Variants in RAB11FIP4 observed in about 807,000 individuals in gnomAD.
RAB11FIP4 encodes the protein rab11 family-interacting protein 4.
Under a neutral mutation model 74.3 loss-of-function variants are expected in RAB11FIP4, and 23 were observed. The observed-to-expected ratio is 0.31, with a 90% CI of 0.22 to 0.44. The LOEUF (loss-of-function observed/expected upper bound fraction) is 0.44, where lower values mean the gene tolerates loss of function less well. Among genes scored for constraint, RAB11FIP4 ranks in the 20% least tolerant of loss-of-function variants. The probability of loss-of-function intolerance (pLI) is 1.00; values close to 1 mark genes in which losing one functional copy is unlikely to be tolerated. For synonymous variants in RAB11FIP4, 360 were observed against 359.9 expected, an observed-to-expected ratio of 1.00 and a Z score of 0.00; for missense variants, 630 against 863.9, an observed-to-expected ratio of 0.73 and a Z score of 3.39.
chr17:31,450,591 C>T (rs2071517197), intron 3 of RAB11FIP4, among the ~76,000 whole-genome samples: 1 of 151,856 alleles, frequency 6.6e-6, no homozygotes, highest in Non-Finnish European at 1.5e-5. Flanking sequence ...GTGATCTGTC[C>T]ACCTCAGCCT....
chr17:31,447,494 A>T (rs1376515696), intron 3 of RAB11FIP4, among the ~76,000 whole-genome samples: 1 of 152,188 alleles, frequency 6.6e-6, no homozygotes, highest in African/African-American at 2.4e-5. Flanking sequence ...ATAATGAGAA[A>T]GACTTTTATC....
chr17:31,488,194 C>A, intron 3 of RAB11FIP4: 1 of 1,095,476 alleles, frequency 9.1e-7, no homozygotes, highest in Non-Finnish European at 1.1e-6. Context: ...CGCGCGCCGC[C>A]GACCCGCGCC....
At chr17:31,412,611 G>A (rs1052882742) in intron 1 of RAB11FIP4, among the ~76,000 whole-genome samples, 2 of 152,220 alleles carry the variant, frequency 1.3e-5, no homozygotes, top group Admixed American at 6.5e-5. Context: ...CAGGGACCAC[G>A]GATAGGAAGG....
At position 31,436,917 on chromosome 17, in the gene RAB11FIP4, A is replaced by G. The variant is rs1240307533; in HGVS notation, c.336+2795A>G. Among the ~76,000 whole-genome samples, 5 of 151,744 alleles carry G rather than the reference A, an allele frequency of 3.3e-5. No homozygotes were observed. In the East Asian group the frequency reaches 9.7e-4, roughly 29 times the overall value. ...ATTCTCCTGCCTCAGCCTCCTGAGT[A>G]GCTGGGACTACAGGTGCCCGCCACC... On this transcript the variant is annotated intron_variant, in intron 3 of 14. Transcript: ENST00000621161.
At chr17:31,418,288 T>C (rs1233309989) in intron 1 of RAB11FIP4, among the ~76,000 whole-genome samples, 2 of 152,058 alleles carry the variant, frequency 1.3e-5, no homozygotes, top group East Asian at 3.9e-4. Flanking sequence ...CTCAGGAGGC[T>C]GAGGCAGCAA....
chr17:31,531,271 T>G, intron 14 of RAB11FIP4: 1 of 211,972 alleles, frequency 4.7e-6, no homozygotes, highest in Non-Finnish European at 9.5e-6. Context: ...CCCTTTGGAG[T>G]CTTAGCGGCC....
rs2151609975 is a variant in RAB11FIP4 at position 31,391,692 on chromosome 17, G to A, written c.-161G>A. On this transcript the variant is annotated 5_prime_UTR_variant, in exon 1 of 15. Coordinates refer to ENST00000621161, the MANE Select transcript of RAB11FIP4 (RefSeq NM_032932.6). ...TCCCCTCCGGAGCGGCTGGGGCTGC[G>A]GCGCCGCTGCTGACACGGATCGGCC... The A allele has an allele frequency of 2.9e-6, 1 of 343,404 alleles. No homozygotes were observed. The allele number at this position is 343,404 out of a possible 1,614,324, so 21.3% of individuals were successfully genotyped here.
chr17:31,442,949 G>C (rs2071419540), intron 3 of RAB11FIP4, among the ~76,000 whole-genome samples: 1 of 137,908 alleles, frequency 7.3e-6, no homozygotes, highest in Admixed American at 7.7e-5. Flanking sequence ...AACAGAGTGA[G>C]ACTCTGTCTC....
In RAB11FIP4 at chr17:31,507,574, C is replaced by T. The variant is rs186537747; in HGVS notation, c.337-10077C>T. ...TTTTTGCTATTGAGTTGTTTGAGTTCCTTATGTATTCTGGCTATCAGTCAT... is the reference window on the plus strand; with the variant it reads ...TTTTTGCTATTGAGTTGTTTGAGTTTCTTATGTATTCTGGCTATCAGTCAT... On this transcript the variant is annotated intron_variant, in intron 3 of 14. Coordinates refer to ENST00000621161, the MANE Select transcript of RAB11FIP4 (RefSeq NM_032932.6). 2.0e-3 allele frequency among the ~76,000 whole-genome samples: 299 copies of T among 152,104 alleles called. 1 individual carries two copies. The highest frequency in any genetic ancestry group is 3.4e-3 in the Middle Eastern group (1 of 294).
chr17:31,419,973 A>G (rs1225584157), intron 1 of RAB11FIP4, among the ~76,000 whole-genome samples: 1 of 152,130 alleles, frequency 6.6e-6, no homozygotes, highest in Non-Finnish European at 1.5e-5. Context: ...GAATTTATGT[A>G]TATTTTCCTT....
At chr17:31,413,277 C>G (rs937148535) in intron 1 of RAB11FIP4, among the ~76,000 whole-genome samples, 1 of 152,162 alleles carries the variant, frequency 6.6e-6, no homozygotes, top group Non-Finnish European at 1.5e-5. Context: ...CAGCACCCCC[C>G]TTTGATGAGC....
chr17:31,447,078 A>C (rs368979570), intron 3 of RAB11FIP4, among the ~76,000 whole-genome samples: 6 of 152,228 alleles, frequency 3.9e-5, no homozygotes, highest in East Asian at 1.9e-4. Flanking sequence ...AGGTCAGGAG[A>C]TCGAGACCAT....
intron 3 of RAB11FIP4, among the ~76,000 whole-genome samples, chr17:31,450,321 T>TTTA (rs67188813): frequency 0.12 from 15,988 of 137,578 alleles, 1,025 homozygotes; most frequent in African/African-American, 0.14. Context: ...CGCCACCGGC[T>TTTA]TTATTATTAT....
In RAB11FIP4 at chr17:31,434,017, T is replaced by G; in HGVS notation, c.248-17T>G. 1 of 1,571,484 alleles carries G rather than the reference T, an allele frequency of 6.4e-7. No individual in the cohort carries two copies. Among genetic ancestry groups the G allele is most frequent in the South Asian group, 1.2e-5 (1 of 86,206 alleles). On this transcript the variant is annotated splice_polypyrimidine_tract_variant and intron_variant, in intron 2 of 14. Coordinates refer to ENST00000621161, the MANE Select transcript of RAB11FIP4 (RefSeq NM_032932.6). The stretch of plus-strand genomic sequence containing the variant: ...GCTCAACCCCTCACTGTCCCGTGTG[T>G]CTGCCTGTCTGCGCAGGGTGCGAGG...
At chr17:31,505,593 A>G (rs1448532720) in intron 3 of RAB11FIP4, among the ~76,000 whole-genome samples, 30 of 67,012 alleles carry the variant, frequency 4.5e-4, no homozygotes, top group East Asian at 1.3e-3. Flanking sequence ...TAATAATTAT[A>G]TATTATATAA....
chr17:31,399,325 C>A (rs998267033), intron 1 of RAB11FIP4, among the ~76,000 whole-genome samples: 1 of 152,182 alleles, frequency 6.6e-6, no homozygotes, highest in African/African-American at 2.4e-5. Flanking sequence ...CTCCTAGCCC[C>A]AAGTTATTGG....
chr17:31,444,215 G>A (rs938769848), intron 3 of RAB11FIP4, among the ~76,000 whole-genome samples: 8 of 152,176 alleles, frequency 5.3e-5, no homozygotes, highest in African/African-American at 1.4e-4. Context: ...ACAGCACTGT[G>A]ATTCACTGTG....
At chr17:31,488,226 CG>C in intron 3 of RAB11FIP4, 3 of 1,140,964 alleles carry the variant, frequency 2.6e-6, no homozygotes, top group Non-Finnish European at 3.2e-6. Context: ...GCGCCTCTGC[CG>C]GGGAGCGGCC....
chr17:31,439,403 C>T (rs953232273), intron 3 of RAB11FIP4, among the ~76,000 whole-genome samples: 2 of 152,336 alleles, frequency 1.3e-5, no homozygotes, highest in African/African-American at 2.4e-5. Flanking sequence ...TGCTGGTCTC[C>T]GGCCTAGCAG....
Sources: gnomAD v4.1 joint callset for allele counts (sites outside exome capture counted in the v4.1 genomes callset) on GRCh38, gnomAD v4.1.1 for gene constraint, MANE v1.5 for transcripts, NCBI Gene and HGNC (gene_info 2026-07-23, HGNC 2026-07-21) for gene names.